IQCM: variants seen among roughly 807,000 people sequenced by gnomAD.
The protein encoded by IQCM is IQ domain-containing protein M.
In IQCM, 45 loss-of-function variants were observed where a neutral mutation model predicts 57.6. That is an observed-to-expected ratio of 0.78 (90% CI 0.62 to 1.00). The LOEUF is 1.00. Among genes scored for constraint, IQCM ranks in the 50% least tolerant of loss-of-function variants. The pLI is 0.00. For synonymous variants in IQCM, 148 were observed against 158.9 expected, an observed-to-expected ratio of 0.93 and a Z score of 0.51; for missense variants, 468 against 511.6, an observed-to-expected ratio of 0.91 and a Z score of 0.82.
chr4:149,767,844 A>G (rs533002966), intron 2 of IQCM, among the ~76,000 whole-genome samples: 7 of 152,156 alleles, frequency 4.6e-5, no homozygotes, highest in Non-Finnish European at 7.4e-5. Flanking sequence ...GAAAAATACA[A>G]AGAGAATAAA....
intron 12 of IQCM, among the ~76,000 whole-genome samples, chr4:149,535,456 G>T (rs549624965): frequency 1.3e-5 from 2 of 151,976 alleles, no homozygotes; most frequent in Non-Finnish European, 2.9e-5. Flanking sequence ...GTGGCTCTCC[G>T]CATGTTACGA....
At chr4:149,476,971 C>T (rs992029654) in intron 12 of IQCM, among the ~76,000 whole-genome samples, 1 of 152,120 alleles carries the variant, frequency 6.6e-6, no homozygotes, top group Admixed American at 6.6e-5. Context: ...CTCACAAATA[C>T]AGGAAAGACT....
At chr4:149,654,983 C>T (rs1245769608) in intron 7 of IQCM, among the ~76,000 whole-genome samples, 1 of 152,098 alleles carries the variant, frequency 6.6e-6, no homozygotes, top group Non-Finnish European at 1.5e-5. Flanking sequence ...TTTCTCCTTA[C>T]ATCTTAAATG....
chr4:149,809,470 T>C (rs1283739962), intron 2 of IQCM, among the ~76,000 whole-genome samples: 1 of 152,220 alleles, frequency 6.6e-6, no homozygotes, highest in Non-Finnish European at 1.5e-5. Context: ...TTTATTTTAA[T>C]TGACTTAAAG....
rs376377660 is a variant in IQCM, at chr4:149,739,841, A to C, written c.37+2814T>G. ...TCACACATTTATCTTTTAAAAAAAA[A>C]CCTCATTTTTCATATATCATCAGCT... On this transcript the variant is annotated intron_variant, in intron 3 of 13. Transcript: ENST00000636793. Among the ~76,000 whole-genome samples the C allele has an allele frequency of 5.9e-5, 9 of 152,230 alleles. No homozygotes were observed. In the East Asian group the frequency reaches 9.7e-4, roughly 16 times the overall value.
At chr4:149,777,871 C>T (rs1771237716) in intron 2 of IQCM, among the ~76,000 whole-genome samples, 1 of 152,004 alleles carries the variant, frequency 6.6e-6, no homozygotes, top group Non-Finnish European at 1.5e-5. Context: ...ATATCTCAGA[C>T]TTGGAAGTAA....
chr4:149,798,237 T>G (rs1773292457), intron 2 of IQCM, among the ~76,000 whole-genome samples: 1 of 152,076 alleles, frequency 6.6e-6, no homozygotes, highest in South Asian at 2.1e-4. Flanking sequence ...CTTTTCTTTT[T>G]GCTTGTTTTT....
At chr4:149,563,411 T>G (rs1326611204) in intron 10 of IQCM, among the ~76,000 whole-genome samples, 1 of 152,116 alleles carries the variant, frequency 6.6e-6, no homozygotes, top group Non-Finnish European at 1.5e-5. Context: ...ATTCATCACA[T>G]TTTCTTAAAG....
chr4:149,523,005 T>C (rs1397238814), intron 12 of IQCM, among the ~76,000 whole-genome samples: 3 of 152,166 alleles, frequency 2.0e-5, no homozygotes, highest in East Asian at 1.9e-4. Context: ...ATGACAAATA[T>C]TTATTTCTCA....
intron 12 of IQCM, among the ~76,000 whole-genome samples, chr4:149,499,009 C>T (rs1742963457): frequency 1.3e-5 from 2 of 152,114 alleles, no homozygotes; most frequent in South Asian, 2.1e-4. Context: ...AGAGGTTCTC[C>T]ACCAAGTTCA....
intron 12 of IQCM, among the ~76,000 whole-genome samples, chr4:149,454,169 C>T (rs12646311): frequency 0.91 from 109,319 of 120,456 alleles, 49,602 homozygotes; most frequent in Non-Finnish European, 0.96. Flanking sequence ...TATATATATA[C>T]ACACACACAC....
At chr4:149,451,454 T>A (rs959103522) in intron 12 of IQCM, among the ~76,000 whole-genome samples, 1 of 151,724 alleles carries the variant, frequency 6.6e-6, no homozygotes, top group African/African-American at 2.4e-5. Flanking sequence ...ACTCCATCAA[T>A]ATATGCACCT....
chr4:149,695,749 G>A (rs1362322903), intron 5 of IQCM, among the ~76,000 whole-genome samples: 3 of 152,062 alleles, frequency 2.0e-5, no homozygotes, highest in African/African-American at 7.2e-5. Context: ...AGAAAGAATG[G>A]GATAGAATTC....
At chr4:149,393,808 T>C (rs1481663745) in intron 13 of IQCM, among the ~76,000 whole-genome samples, 1 of 152,006 alleles carries the variant, frequency 6.6e-6, no homozygotes, top group African/African-American at 2.4e-5. Flanking sequence ...TGAGAATTAC[T>C]TATTATCAAC....
chr4:149,563,902 A>T lies in IQCM; in HGVS notation c.750-12T>A. On this transcript the variant is annotated splice_polypyrimidine_tract_variant and intron_variant, in intron 9 of 13. Transcript: ENST00000636793. ...GAGTACCTTTTATCCTAAAAATAAA[A>T]CAAATTTCTTATTATACATAATATG... The T allele has an allele frequency of 8.5e-7, 1 of 1,181,004 alleles. No individual in the cohort carries two copies. Among genetic ancestry groups the T allele is most frequent in the Non-Finnish European group, 1.1e-6 (1 of 941,544 alleles). The allele number at this position is 1,181,004 out of a possible 1,614,324, so 73.2% of individuals were successfully genotyped here. A position where few individuals can be genotyped will look rare whatever the true frequency, so the allele number is the denominator to read the frequency against.
intron 12 of IQCM, among the ~76,000 whole-genome samples, chr4:149,518,784 G>C (rs994692258): frequency 6.6e-6 from 1 of 152,048 alleles, no homozygotes; most frequent in Admixed American, 6.6e-5. Flanking sequence ...AGACCAGGGA[G>C]AGAGAGAGAG....
intron 10 of IQCM, among the ~76,000 whole-genome samples, chr4:149,560,669 T>C (rs1242145880): frequency 1.3e-5 from 2 of 152,220 alleles, no homozygotes; most frequent in African/African-American, 2.4e-5. Flanking sequence ...GGTCTTTCGA[T>C]GTATGACAGG....
Position 149,519,404 on chromosome 4 carries a change from G to A in IQCM, c.1228+29051C>T, listed in dbSNP as rs560313750. On this transcript the variant is annotated intron_variant, in intron 12 of 13. Transcript: ENST00000636793. ...TGGGAGGCCGAGGCAGGCAGATCAC[G>A]AGGTCAGGAAATCGAGACCATCCTG... Among the ~76,000 whole-genome samples the A allele has an allele frequency of 3.9e-5, 6 of 152,172 alleles. No homozygotes were observed. In the East Asian group the frequency reaches 1.2e-3, roughly 30 times the overall value.
chr4:149,362,943 T>C (rs558905375), intron 13 of IQCM, among the ~76,000 whole-genome samples: 2 of 152,310 alleles, frequency 1.3e-5, no homozygotes, highest in Admixed American at 1.3e-4. Flanking sequence ...TAGAGTTGGA[T>C]GATTTTATGT....
Sources: gnomAD v4.1 joint callset for allele counts (sites outside exome capture counted in the v4.1 genomes callset) on GRCh38, gnomAD v4.1.1 for gene constraint, MANE v1.5 for transcripts, NCBI Gene and HGNC (gene_info 2026-07-23, HGNC 2026-07-21) for gene names.